The following GOLGA1 variants were observed in gnomAD, a reference collection of about 807,000 sequenced individuals.
GOLGA1 encodes the protein golgin subfamily A member 1.
In GOLGA1, 63 loss-of-function variants were observed where a neutral mutation model predicts 119.7. The ratio of observed to expected loss-of-function variants is 0.53; its 90% CI spans 0.43 to 0.65. The LOEUF (loss-of-function observed/expected upper bound fraction) is 0.65, where lower values mean the gene tolerates loss of function less well. Ranked by LOEUF, GOLGA1 falls within the 30% of genes least tolerant of loss-of-function variation. GOLGA1 has a pLI of 0.00. For synonymous variants in GOLGA1, 318 were observed against 333.4 expected, an observed-to-expected ratio of 0.95 and a Z score of 0.50; for missense variants, 798 against 912.8, an observed-to-expected ratio of 0.87 and a Z score of 1.62.
At position 124,941,061 on chromosome 9, in the gene GOLGA1, G is replaced by T. The variant is rs1263707158; in HGVS notation, c.-296C>A. 1.3e-5 allele frequency: 2 copies of T among 152,264 alleles called. No homozygotes were observed. Among genetic ancestry groups the T allele is most frequent in the African/African-American group, 4.8e-5 (2 of 41,454 alleles). 9.4% of individuals were successfully genotyped at this position (152,264 alleles called of 1,614,324 possible). On this transcript the variant is annotated 5_prime_UTR_variant, in exon 1 of 23. Coordinates refer to ENST00000373555, the MANE Select transcript of GOLGA1 (RefSeq NM_002077.4). ...CACCAACCCCCACCGCCCAGCCGGC[G>T]AGCCGAGCAGCGACCCGGAACCGCA...
Position 124,923,122 on chromosome 9 carries a change from C to A in GOLGA1, c.534G>T (p.Gln178His), listed in dbSNP as rs756713702. 3 of 1,609,032 alleles carry A rather than the reference C, an allele frequency of 1.9e-6. No individual in the cohort carries two copies. Among genetic ancestry groups the A allele is most frequent in the African/African-American group, 1.3e-5 (1 of 74,930 alleles). The change falls in exon 8 of 23, where the codon CAG (glutamine) becomes CAT (histidine). Residue 178 changes from glutamine to histidine, a missense_variant. Coordinates refer to ENST00000373555, the MANE Select transcript of GOLGA1 (RefSeq NM_002077.4). Reference sequence around the variant, plus strand: ...TGTGCTTTATTTTACTTAGTTCCTGCTGCTGGAACCCCTCTAATTCATCCA... The same window carrying A: ...TGTGCTTTATTTTACTTAGTTCCTGATGCTGGAACCCCTCTAATTCATCCA... ...DEMDELEGFQ[Q>H]QELSKIKHML...
chr9:124,907,062 GA>G (rs922264913), intron 12 of GOLGA1, among the ~76,000 whole-genome samples: 8 of 149,480 alleles, frequency 5.4e-5, no homozygotes, highest in African/African-American at 7.4e-5. Context: ...GTCAACCTTT[GA>G]AAAAAAAAGA....
At chr9:124,907,001 T>G (rs1830246758) in intron 12 of GOLGA1, among the ~76,000 whole-genome samples, 1 of 152,174 alleles carries the variant, frequency 6.6e-6, no homozygotes, top group East Asian at 1.9e-4. Flanking sequence ...CAAGTTGAAT[T>G]TTTTAGTAAC....
intron 12 of GOLGA1, among the ~76,000 whole-genome samples, chr9:124,903,847 G>C (rs1384820017): frequency 6.6e-6 from 1 of 152,024 alleles, no homozygotes; most frequent in Non-Finnish European, 1.5e-5. Context: ...TCAGGAGATT[G>C]AGACCATCTT....
rs900285364 is a variant in GOLGA1 at position 124,923,202 on chromosome 9, G to C, written c.454C>G (p.Gln152Glu). ...LEKEKNILTA[Q>E]LQEMKNQSMN... ...CTCTGGTTCTTCATTTCCTGTAACT[G>C]GGCTGTCAGAATATTTTTCTCCTAT... The change falls in exon 8 of 23, where the codon CAG (glutamine) becomes GAG (glutamate). Residue 152 changes from glutamine to glutamate, a missense_variant. Physicochemically the swap from Gln to Glu is conservative, Grantham distance 29. Transcript: ENST00000373555. The C allele has an allele frequency of 6.3e-7, 1 of 1,595,826 alleles. No individual in the cohort carries two copies. The highest frequency in any genetic ancestry group is 8.6e-7 in the Non-Finnish European group (1 of 1,166,594).
chr9:124,924,007 C>T lies in GOLGA1; in HGVS notation c.433-784G>A, dbSNP rs574644037. ...AGTACCTGAGACTACAGGCATGCAC[C>T]ACCATGCCCGGCTAATTTTTCTACT... On this transcript the variant is annotated intron_variant, in intron 7 of 22. Transcript: ENST00000373555. Among the ~76,000 whole-genome samples, 5 of 152,246 alleles carry T rather than the reference C, an allele frequency of 3.3e-5. 1 individual carries two copies. The highest frequency in any genetic ancestry group is 1.2e-4 in the African/African-American group (5 of 41,538).
In GOLGA1 at chr9:124,911,870, C is replaced by T. The variant is rs12006314; in HGVS notation, c.969+31G>A. On this transcript the variant is annotated intron_variant, in intron 11 of 22. Coordinates refer to ENST00000373555, the MANE Select transcript of GOLGA1 (RefSeq NM_002077.4). ...ACCAGAATCAACCCTGCCTTTCCAA[C>T]ACCAGCCAGCCCAAAGAGAACAGAA... is the stretch of plus-strand genomic sequence containing the variant. The T allele has an allele frequency of 1.8e-3, 2,918 of 1,600,710 alleles. 51 individuals carry two copies. The African/African-American group carries it at 0.035, about 19-fold the overall frequency.
At chr9:124,924,565 G>T (rs147847173) in intron 7 of GOLGA1, among the ~76,000 whole-genome samples, 2 of 149,720 alleles carry the variant, frequency 1.3e-5, no homozygotes, top group African/African-American at 4.9e-5. Flanking sequence ...CTGAGAAGTC[G>T]AGGCTGCAGT....
intron 12 of GOLGA1, among the ~76,000 whole-genome samples, chr9:124,901,144 T>G (rs1170763262): frequency 6.6e-6 from 1 of 151,786 alleles, no homozygotes; most frequent in African/African-American, 2.4e-5. Flanking sequence ...GCTAATTTTT[T>G]GTATTTTTAG....
rs1293148161 is a variant in GOLGA1, at chr9:124,879,685, AG to A, written c.*844del. On this transcript the variant is annotated 3_prime_UTR_variant, in exon 23 of 23. Coordinates refer to ENST00000373555, the MANE Select transcript of GOLGA1 (RefSeq NM_002077.4). Reference sequence around the variant, plus strand: ...ACAAAGGAACAGGAATCCTAGTTTTAGGAAGAATTTCCTCTGGACGCTCTGA... The same window carrying A: ...ACAAAGGAACAGGAATCCTAGTTTTAGAAGAATTTCCTCTGGACGCTCTGA... 1 of 152,100 alleles carries A rather than the reference AG, an allele frequency of 6.6e-6. No homozygotes were observed. Among genetic ancestry groups the A allele is most frequent in the Non-Finnish European group, 1.5e-5 (1 of 68,012 alleles). 9.4% of individuals were successfully genotyped at this position (152,100 alleles called of 1,614,324 possible).
intron 15 of GOLGA1, 21 bp downstream of exon 15, chr9:124,898,526 CTT>C (rs1434783509): frequency 7.4e-7 from 1 of 1,348,618 alleles, no homozygotes; most frequent in East Asian, 2.3e-5. Context: ...TTTTATGAAA[CTT>C]TGATTCAATT....
At chr9:124,922,781 A>T (rs1830596236) in intron 8 of GOLGA1, among the ~76,000 whole-genome samples, 1 of 151,952 alleles carries the variant, frequency 6.6e-6, no homozygotes, top group African/African-American at 2.4e-5. Flanking sequence ...ATCTATTTAA[A>T]AAAAAAAATG....
chr9:124,891,081 G>A (rs1712841181), intron 15 of GOLGA1, among the ~76,000 whole-genome samples: 1 of 152,152 alleles, frequency 6.6e-6, no homozygotes, highest in South Asian at 2.1e-4. Flanking sequence ...GCTTGTGTCC[G>A]GGAGGTCAAG....
chr9:124,942,086 C>T (rs181124011), upstream of GOLGA1, among the ~76,000 whole-genome samples: 31 of 152,324 alleles, frequency 2.0e-4, no homozygotes, highest in African/African-American at 5.8e-4. Flanking sequence ...ACCAGCCTAA[C>T]ATAGCGAAAC....
At chr9:124,914,808 C>T (rs1360458611) in intron 10 of GOLGA1, among the ~76,000 whole-genome samples, 1 of 152,244 alleles carries the variant, frequency 6.6e-6, no homozygotes, top group Non-Finnish European at 1.5e-5. Context: ...TTCCCCTACA[C>T]ATCAATCTGA....
rs1194830287 is a variant in GOLGA1 at position 124,881,309 on chromosome 9, G to T, written c.2137-52C>A. On this transcript the variant is annotated intron_variant, in intron 21 of 22. Transcript: ENST00000373555. This position sits in a 1 kb window ranked among gnomAD's most constrained non-coding sequence, Gnocchi z 4.9. ...TAGGCCTTGGTGAAGGTGAGGCGGG[G>T]TGGGGTCGGGGGAGCTACGTGGCAT... 9.6e-7 allele frequency: 1 copy of T among 1,038,620 alleles called. No individual in the cohort carries two copies. The highest frequency in any genetic ancestry group is 1.5e-6 in the Non-Finnish European group (1 of 653,738). The allele number at this position is 1,038,620 out of a possible 1,614,324, so 64.3% of individuals were successfully genotyped here. A position where few individuals can be genotyped will look rare whatever the true frequency, so the allele number is the denominator to read the frequency against.
In GOLGA1 at chr9:124,921,966, G is replaced by A. The variant is rs530077324; in HGVS notation, c.562-74C>T. The A allele has an allele frequency of 8.6e-6, 11 of 1,278,438 alleles. No individual in the cohort carries two copies. The East Asian group carries it at 1.4e-4, about 16-fold the overall frequency. The allele number at this position is 1,278,438 out of a possible 1,614,324, so 79.2% of individuals were successfully genotyped here. A position where few individuals can be genotyped will look rare whatever the true frequency, so the allele number is the denominator to read the frequency against. ...CTTAAGATCAGGCATGCTGGCTCACGCCTGTAATCCCAACACTTTGGGAGG... is the reference window on the plus strand; with the variant it reads ...CTTAAGATCAGGCATGCTGGCTCACACCTGTAATCCCAACACTTTGGGAGG... On this transcript the variant is annotated intron_variant, in intron 8 of 22. Coordinates refer to ENST00000373555, the MANE Select transcript of GOLGA1 (RefSeq NM_002077.4).
chr9:124,923,140 T>C lies in GOLGA1; in HGVS notation c.516A>G (p.Glu172=). Residue 172 remains glutamate (E), a synonymous_variant, in exon 8 of 23, where the codon GAA becomes GAG. Coordinates refer to ENST00000373555, the MANE Select transcript of GOLGA1 (RefSeq NM_002077.4). Reference sequence around the variant, plus strand: ...GTTCCTGCTGCTGGAACCCCTCTAATTCATCCATTTCATCTCTCCTTTGGA... The same window carrying C: ...GTTCCTGCTGCTGGAACCCCTCTAACTCATCCATTTCATCTCTCCTTTGGA... The part of the protein sequence containing the change: ...NLFQRRDEMD[E]LEGFQQQELS... 1 of 1,603,662 alleles carries C rather than the reference T, an allele frequency of 6.2e-7. No homozygotes were observed.
intron 7 of GOLGA1, 43 bp from the exon 8 acceptor site, chr9:124,923,266 T>C: frequency 3.4e-6 from 5 of 1,485,304 alleles, no homozygotes; most frequent in Non-Finnish European, 4.6e-6. Flanking sequence ...ACGAAAGCAT[T>C]AGAAATCTGT....
Sources: allele counts gnomAD v4.1 joint callset (sites outside exome capture counted in the v4.1 genomes callset), GRCh38; gene constraint gnomAD v4.1.1; non-coding constraint Gnocchi (gnomAD v3.1); transcripts MANE v1.5; gene names NCBI Gene and HGNC (gene_info 2026-07-23, HGNC 2026-07-21).